Variants in SUMF1 observed in about 807,000 individuals in gnomAD.
The protein encoded by SUMF1 is formylglycine-generating enzyme.
Under a neutral mutation model 47.6 loss-of-function variants are expected in SUMF1, and 48 were observed. The observed-to-expected ratio is 1.01, with a 90% CI of 0.80 to 1.28. The LOEUF (loss-of-function observed/expected upper bound fraction) is 1.28, where lower values mean the gene tolerates loss of function less well. Ranked by LOEUF, SUMF1 falls within the 50% of genes most tolerant of loss-of-function variation. The pLI is 0.00. For missense variants in SUMF1, 571 were observed against 485.4 expected (o/e 1.18, Z -1.66); for synonymous variants, 230 against 192.1 (o/e 1.20, Z -1.63).
intron 8 of SUMF1, among the ~76,000 whole-genome samples, chr3:4,097,450 G>A (rs1692931462): frequency 6.6e-6 from 1 of 152,020 alleles, no homozygotes; most frequent in Non-Finnish European, 1.5e-5. Context: ...CTACTTGGGA[G>A]GCTGAGGCAG....
At chr3:4,056,572 C>A (rs879354367) in intron 9 of SUMF1, among the ~76,000 whole-genome samples, 1 of 151,802 alleles carries the variant, frequency 6.6e-6, no homozygotes, top group African/African-American at 2.4e-5. Context: ...GTGGGAGGAT[C>A]GCTTGAGCCT....
intron 8 of SUMF1, among the ~76,000 whole-genome samples, chr3:4,206,322 C>T (rs1454351955): frequency 6.6e-6 from 1 of 151,952 alleles, no homozygotes; most frequent in Non-Finnish European, 1.5e-5. Context: ...AGCAAAGCAC[C>T]AGAACTTGCT....
intron 8 of SUMF1, chr3:4,313,320 T>C (rs974455989): frequency 6.2e-7 from 1 of 1,613,896 alleles, no homozygotes; most frequent in Non-Finnish European, 8.5e-7. Flanking sequence ...CCAATTACAT[T>C]ATAGCCATCA....
chr3:4,189,679 CCT>C, intron 8 of SUMF1, among the ~76,000 whole-genome samples: 1 of 148,070 alleles, frequency 6.8e-6, no homozygotes, highest in South Asian at 2.2e-4. Context: ...TAGATTAAAG[CCT>C]CAAGATTTTG....
intron 7 of SUMF1, among the ~76,000 whole-genome samples, chr3:4,400,825 T>C (rs1391978537): frequency 6.6e-6 from 1 of 152,198 alleles, no homozygotes. Flanking sequence ...TTATTTTATT[T>C]TTATTATACT....
At chr3:4,096,838 A>G (rs971898048) in intron 8 of SUMF1, among the ~76,000 whole-genome samples, 1 of 152,104 alleles carries the variant, frequency 6.6e-6, no homozygotes, top group South Asian at 2.1e-4. Context: ...AGGGGACAGC[A>G]CTATTTAGTT....
intron 8 of SUMF1, among the ~76,000 whole-genome samples, chr3:4,351,627 C>A (rs563162342): frequency 6.6e-6 from 1 of 152,190 alleles, no homozygotes; most frequent in East Asian, 1.9e-4. Context: ...TCTTCCACGC[C>A]GCCCCTAAAA....
At position 4,118,459 on chromosome 3, in the gene SUMF1, A is replaced by G. The variant is rs57279209; in HGVS notation, c.1015-49714T>C. The stretch of plus-strand genomic sequence containing the variant: ...AGAGAATGAATCCAGGAAGTCTAAC[A>G]TTAGTTCCAGAGAGAGGGACTGCTA... On this transcript the variant is annotated intron_variant and NMD_transcript_variant, in intron 8 of 12. Coordinates refer to the SUMF1 transcript ENST00000448413. Among the ~76,000 whole-genome samples the G allele has an allele frequency of 6.3e-3, 964 of 152,260 alleles. 12 individuals are homozygous for G. The highest frequency in any genetic ancestry group is 0.022 in the African/African-American group (920 of 41,524).
At chr3:4,168,742 A>G (rs1694766331) in intron 8 of SUMF1, among the ~76,000 whole-genome samples, 1 of 152,200 alleles carries the variant, frequency 6.6e-6, no homozygotes, top group East Asian at 1.9e-4. Context: ...ATCTGTAAAG[A>G]GGAGACATTA....
intron 8 of SUMF1, among the ~76,000 whole-genome samples, chr3:4,209,928 T>A (rs1261249313): frequency 6.6e-6 from 1 of 152,158 alleles, no homozygotes; most frequent in African/African-American, 2.4e-5. Flanking sequence ...AGAGTCTCAC[T>A]CTGTCACCCA....
intron 8 of SUMF1, among the ~76,000 whole-genome samples, chr3:4,112,058 T>C (rs966168692): frequency 6.6e-6 from 1 of 152,140 alleles, no homozygotes; most frequent in Non-Finnish European, 1.5e-5. Flanking sequence ...TATGTGATTA[T>C]TACCCCTCAT....
rs115192899 is a variant in SUMF1 at position 4,106,576 on chromosome 3, C to T, written c.1015-37831G>A. On this transcript the variant is annotated intron_variant and NMD_transcript_variant, in intron 8 of 12. Transcript: ENST00000448413. ...CCTTTTTTAAAATCATCTTTTCCAACGTAAACAAAGAGTAAAGTCACTAAT... is the reference window on the plus strand; with the variant it reads ...CCTTTTTTAAAATCATCTTTTCCAATGTAAACAAAGAGTAAAGTCACTAAT... 2.9e-3 allele frequency among the ~76,000 whole-genome samples: 440 copies of T among 152,074 alleles called. 5 individuals are homozygous for T. The highest frequency in any genetic ancestry group is 9.9e-3 in the African/African-American group (409 of 41,450).
intron 8 of SUMF1, among the ~76,000 whole-genome samples, chr3:4,277,375 C>T (rs1160412886): frequency 1.3e-5 from 2 of 151,966 alleles, no homozygotes; most frequent in Admixed American, 6.6e-5. Context: ...ATATGTCTAA[C>T]ATTAAATTAA....
chr3:4,351,155 A>C (rs1699492664), intron 8 of SUMF1, among the ~76,000 whole-genome samples: 1 of 152,226 alleles, frequency 6.6e-6, no homozygotes, highest in Non-Finnish European at 1.5e-5. Context: ...TATGTCCTGA[A>C]GCAAATAGTT....
intron 8 of SUMF1, among the ~76,000 whole-genome samples, chr3:4,173,277 T>C (rs1694874043): frequency 6.6e-6 from 1 of 152,288 alleles, no homozygotes; most frequent in South Asian, 2.1e-4. Flanking sequence ...TGTAGTATAG[T>C]TTGAAGTCAC....
At chr3:4,103,559 G>T (rs968755110) in intron 8 of SUMF1, among the ~76,000 whole-genome samples, 1 of 152,156 alleles carries the variant, frequency 6.6e-6, no homozygotes, top group South Asian at 2.1e-4. Context: ...CTCCCTTCTC[G>T]TATTTGTCAT....
chr3:4,261,550 T>C lies in SUMF1; in HGVS notation c.1014+114780A>G, dbSNP rs1045713303. Among the ~76,000 whole-genome samples, 6 of 152,232 alleles carry C rather than the reference T, an allele frequency of 3.9e-5. No homozygotes were observed. In the East Asian group the frequency reaches 1.2e-3, roughly 29 times the overall value. On this transcript the variant is annotated intron_variant and NMD_transcript_variant, in intron 8 of 12. Transcript: ENST00000448413. The stretch of plus-strand genomic sequence containing the variant: ...CTCTGGAGGATTTATAAGGATCTGT[T>C]ATCCCAGGGATTATGCACATTTTCT...
intron 3 of SUMF1, among the ~76,000 whole-genome samples, chr3:4,427,393 C>T (rs1370964891): frequency 6.6e-6 from 1 of 152,008 alleles, no homozygotes; most frequent in African/African-American, 2.4e-5. Flanking sequence ...TAAATAAAAC[C>T]AGAGGAGAAT....
intron 8 of SUMF1, among the ~76,000 whole-genome samples, chr3:4,176,606 G>A (rs149574304): frequency 3.9e-5 from 6 of 152,262 alleles, no homozygotes; most frequent in African/African-American, 7.2e-5. Context: ...AAAGACCATC[G>A]ATGATAGAAA....
Sources: allele counts gnomAD v4.1 joint callset (sites outside exome capture counted in the v4.1 genomes callset), GRCh38; gene constraint gnomAD v4.1.1; transcripts MANE v1.5; gene names NCBI Gene and HGNC (gene_info 2026-07-23, HGNC 2026-07-21).